The following MYH14 variants were observed in gnomAD, a reference collection of about 807,000 sequenced individuals.
MYH14 encodes myosin heavy chain 14.
MYH14 carries 123 observed loss-of-function variants against 255.5 expected under a neutral mutation model. That is an observed-to-expected ratio of 0.48 (90% CI 0.42 to 0.56). MYH14 has a LOEUF of 0.56. MYH14 is among the 20% of genes least tolerant of loss of function. The pLI is 0.00. For missense variants in MYH14, 2,423 were observed against 2,802.3 expected, an observed-to-expected ratio of 0.86 and a Z score of 3.06; for synonymous variants, 1,095 against 1,161.2, an observed-to-expected ratio of 0.94 and a Z score of 1.16.
In MYH14 at chr19:50,290,977, G is replaced by T; in HGVS notation, c.5056G>T (p.Glu1686Ter). The change falls in exon 36 of 43, where the codon GAG becomes TAG. Residue 1686 changes from glutamate (E) to a stop codon, truncating the protein, a stop_gained. Transcript: ENST00000642316. LOFTEE classifies it high-confidence loss of function. Reference sequence around the variant, plus strand: ...CAAGAAGCTGGAGGGAGAGCTGGAGGAGCTGAAGGCTCAGATGGCCTCTGC... The same window carrying T: ...CAAGAAGCTGGAGGGAGAGCTGGAGTAGCTGAAGGCTCAGATGGCCTCTGC... The part of the protein sequence containing the change: ...ARKKLEGELE[E>*]LKAQMASAGQ... 6.2e-7 allele frequency: 1 copy of T among 1,609,216 alleles called. No individual in the cohort carries two copies. The highest frequency in any genetic ancestry group is 1.1e-5 in the South Asian group (1 of 89,692).
At chr19:50,214,729 C>T (rs984532983) in intron 2 of MYH14, among the ~76,000 whole-genome samples, 5 of 152,052 alleles carry the variant, frequency 3.3e-5, no homozygotes, top group Non-Finnish European at 7.4e-5. Context: ...TGCAGTGAGC[C>T]AGGATCGTGC....
At chr19:50,237,948 A>AGCC (rs1555761130) in intron 10 of MYH14, among the ~76,000 whole-genome samples, 4 of 152,066 alleles carry the variant, frequency 2.6e-5, no homozygotes, top group African/African-American at 7.2e-5. Flanking sequence ...CCATGGTGGA[A>AGCC]ACGTCTGACC....
At chr19:50,283,673 A>G (rs1192545099) in intron 33 of MYH14, among the ~76,000 whole-genome samples, 1 of 152,130 alleles carries the variant, frequency 6.6e-6, no homozygotes, top group Non-Finnish European at 1.5e-5. Flanking sequence ...GCATCTTTTC[A>G]TATGCTTATT....
At chr19:50,229,643 AAAC>A (rs2123227323) in intron 8 of MYH14, among the ~76,000 whole-genome samples, 1 of 151,306 alleles carries the variant, frequency 6.6e-6, no homozygotes, top group East Asian at 1.9e-4. Flanking sequence ...CTGTCTAAAA[AAAC>A]AAAACAAAAC....
Position 50,257,436 on chromosome 19 carries a change from A to C in MYH14, c.2182A>C (p.Asn728His), listed in dbSNP as rs757176209. The C allele has an allele frequency of 4.4e-6, 7 of 1,608,430 alleles. No individual in the cohort carries two copies. The African/African-American group carries it at 8.0e-5, about 18-fold the overall frequency. Residue 728 changes from asparagine (N) to histidine (H), a missense_variant, in exon 18 of 43, where the codon AAC becomes CAC. Physicochemically the swap from Asn to His is moderately conservative, Grantham distance 68. Around this residue, in one of 3 missense-constraint regions of MYH14, gnomAD observed 672 missense variants for 881.8 expected, o/e 0.76. Coordinates refer to ENST00000642316, the MANE Select transcript of MYH14 (RefSeq NM_001145809.2). The stretch of plus-strand genomic sequence containing the variant: ...GAGCCGCCTCATGGCCACACTCAGC[A>C]ACACCAACCCCAGTTTTGTCCGCTG... ...SLSRLMATLSNTNPSFVRCIV... is the reference protein window; with the variant it reads ...SLSRLMATLSHTNPSFVRCIV...
chr19:50,280,661 C>T lies in MYH14; in HGVS notation c.4290+278C>T, dbSNP rs199686365. Among the ~76,000 whole-genome samples, 25 of 152,238 alleles carry T rather than the reference C, an allele frequency of 1.6e-4. 1 individual carries two copies. In the East Asian group the frequency reaches 4.8e-3, roughly 29 times the overall value. On this transcript the variant is annotated intron_variant, in intron 32 of 42. Coordinates refer to ENST00000642316, the MANE Select transcript of MYH14 (RefSeq NM_001145809.2). This position sits in a 1 kb window ranked among gnomAD's most constrained non-coding sequence, Gnocchi z 4.8. ...TAGATCCTCCTCTTGGCCTCTGGGC[C>T]TCCAGCCTCTCCCCTAACAGCTCAT... is the stretch of plus-strand genomic sequence containing the variant.
intron 12 of MYH14, 50 bp downstream of exon 12, chr19:50,247,172 C>G (rs2034164890): frequency 7.6e-7 from 1 of 1,316,720 alleles, no homozygotes; most frequent in Admixed American, 1.8e-5. Context: ...CGCACCCCGG[C>G]CCTGGGTCTT....
Position 50,300,691 on chromosome 19 carries a change from G to A in MYH14, c.5470-970G>A, listed in dbSNP as rs2036450999. 2.6e-5 allele frequency among the ~76,000 whole-genome samples: 4 copies of A among 152,180 alleles called. No individual in the cohort carries two copies. The South Asian group carries it at 8.3e-4, about 32-fold the overall frequency. On this transcript the variant is annotated intron_variant, in intron 39 of 42. Coordinates refer to ENST00000642316, the MANE Select transcript of MYH14 (RefSeq NM_001145809.2). ...TTGAACCTGGGAGGCAGAGGTTGCA[G>A]TGAGCTGAGATCGTGCCACTGCACT...
intron 2 of MYH14, among the ~76,000 whole-genome samples, chr19:50,215,494 G>A (rs968746259): frequency 6.6e-6 from 1 of 152,188 alleles, no homozygotes; most frequent in Non-Finnish European, 1.5e-5. Context: ...ACCCTACTGT[G>A]CTTGAGAAGC....
intron 20 of MYH14, among the ~76,000 whole-genome samples, 155 bp downstream of exon 20, chr19:50,260,870 T>C (rs1016476328): frequency 6.6e-6 from 1 of 151,134 alleles, no homozygotes; most frequent in East Asian, 1.9e-4. Flanking sequence ...TGCATATGTG[T>C]GCATGCGTGT....
chr19:50,286,171 C>A (rs2035881740), intron 33 of MYH14: 3 of 213,004 alleles, frequency 1.4e-5, no homozygotes, highest in South Asian at 1.5e-4. Flanking sequence ...TAAAAAAAAA[C>A]AGTAAAGGTT....
chr19:50,212,047 T>C (rs1340290185), intron 2 of MYH14, among the ~76,000 whole-genome samples: 2 of 152,164 alleles, frequency 1.3e-5, no homozygotes, highest in African/African-American at 4.8e-5. Context: ...TTAGGTTGAC[T>C]ATGGTAGTCT....
chr19:50,218,810 T>A (rs994666864), intron 3 of MYH14, among the ~76,000 whole-genome samples: 1 of 151,684 alleles, frequency 6.6e-6, no homozygotes, highest in African/African-American at 2.4e-5. Flanking sequence ...ATTCTTATGT[T>A]TTTGCATCCT....
At chr19:50,243,191 T>G (rs2033955717) in intron 10 of MYH14, among the ~76,000 whole-genome samples, 1 of 152,122 alleles carries the variant, frequency 6.6e-6, no homozygotes, top group East Asian at 1.9e-4. Context: ...ATCTCAGCAC[T>G]TTGGGAGGCC....
chr19:50,216,562 C>T (rs1377438413), intron 2 of MYH14, among the ~76,000 whole-genome samples: 1 of 151,552 alleles, frequency 6.6e-6, no homozygotes, highest in African/African-American at 2.4e-5. Flanking sequence ...CATGATTGTA[C>T]CACTGCACTC....
At chr19:50,254,124 G>A (rs2034502258) in intron 16 of MYH14, among the ~76,000 whole-genome samples, 1 of 152,008 alleles carries the variant, frequency 6.6e-6, no homozygotes, top group Non-Finnish European at 1.5e-5. Flanking sequence ...GGCTGAGGCA[G>A]GGGAATCGCT....
intron 36 of MYH14, 34 bp downstream of exon 36, chr19:50,291,082 CT>C (rs1568545436): frequency 6.2e-7 from 1 of 1,603,738 alleles, no homozygotes; most frequent in East Asian, 2.2e-5. Flanking sequence ...GGAGGGGAGG[CT>C]TTGGTGTCTT....
chr19:50,224,295 C>T (rs2032994177), intron 6 of MYH14, 118 bp downstream of exon 6: 2 of 1,340,754 alleles, frequency 1.5e-6, no homozygotes, highest in African/African-American at 1.4e-5. Context: ...TGCCAGGGAC[C>T]CCTCTGCCCC....
rs2123407215 is a variant in MYH14 at position 50,276,643 on chromosome 19, C to T, written c.3681-114C>T. On this transcript the variant is annotated intron_variant, in intron 28 of 42. Coordinates refer to ENST00000642316, the MANE Select transcript of MYH14 (RefSeq NM_001145809.2). The surrounding 1 kb of genome is among the most constrained non-coding windows in gnomAD (Gnocchi z 4.3). ...CACCCAGATCTCCTGAGGAGCATAA[C>T]ATGAGGCCCTCATATTTTAAGGAAA... The T allele has an allele frequency of 7.3e-7, 1 of 1,368,520 alleles. No individual in the cohort carries two copies. The highest frequency in any genetic ancestry group is 1.0e-6 in the Non-Finnish European group (1 of 968,998). 84.8% of individuals were successfully genotyped at this position (1,368,520 alleles called of 1,614,324 possible). A position where few individuals can be genotyped will look rare whatever the true frequency, so the allele number is the denominator to read the frequency against.
Sources: allele counts gnomAD v4.1 joint callset (sites outside exome capture counted in the v4.1 genomes callset), GRCh38; gene constraint gnomAD v4.1.1; regional missense constraint gnomAD v4.1.1; non-coding constraint Gnocchi (gnomAD v3.1); transcripts MANE v1.5; gene names NCBI Gene and HGNC (gene_info 2026-07-23, HGNC 2026-07-21).